HMCN1: variants seen among roughly 807,000 people sequenced by gnomAD.
HMCN1 encodes the protein hemicentin-1.
A neutral mutation model predicts 625.9 loss-of-function variants in HMCN1; 321 were observed. The ratio of observed to expected loss-of-function variants is 0.51; its 90% CI spans 0.47 to 0.56. The LOEUF is 0.56. Among genes scored for constraint, HMCN1 ranks in the 20% least tolerant of loss-of-function variants. The pLI is 0.00. For missense variants in HMCN1, 6,588 were observed against 6,887.3 expected, an observed-to-expected ratio of 0.96 and a Z score of 1.54; for synonymous variants, 2,425 against 2,417.6, an observed-to-expected ratio of 1.00 and a Z score of -0.09.
At chr1:185,962,108 A>T (rs911040094) in intron 11 of HMCN1, among the ~76,000 whole-genome samples, 5 of 152,230 alleles carry the variant, frequency 3.3e-5, no homozygotes, top group African/African-American at 1.2e-4. Flanking sequence ...AACAAAGCAG[A>T]CAGCATAGTC....
chr1:185,964,949 A>G (rs989072188), intron 13 of HMCN1, among the ~76,000 whole-genome samples: 3 of 151,674 alleles, frequency 2.0e-5, no homozygotes, highest in African/African-American at 7.3e-5. Flanking sequence ...GGTAAGGTTA[A>G]AAAAAAAGCT....
At chr1:185,976,129 T>C (rs530558540) in intron 15 of HMCN1, among the ~76,000 whole-genome samples, 76 of 152,324 alleles carry the variant, frequency 5.0e-4, no homozygotes, top group African/African-American at 1.8e-3. Context: ...AGAGTGAGTT[T>C]TCTGAAACTT....
Position 185,982,397 on chromosome 1 carries a change from C to T in HMCN1, c.2790+8C>T, listed in dbSNP as rs750999986. ...ATTAAGAATTCAGCTATGGTAAGAA[C>T]ATTTTAAATGCATGCATTCACATTC... On this transcript the variant is annotated splice_region_variant and intron_variant, in intron 18 of 106. Coordinates refer to ENST00000271588, the MANE Select transcript of HMCN1 (RefSeq NM_031935.3). 1.9e-6 allele frequency: 3 copies of T among 1,602,090 alleles called. No homozygotes were observed. The highest frequency in any genetic ancestry group is 2.2e-5 in the South Asian group (2 of 90,796).
Position 185,965,810 on chromosome 1 carries a change from A to G in HMCN1, c.2107A>G (p.Lys703Glu). 4.4e-6 allele frequency: 7 copies of G among 1,602,962 alleles called. No individual in the cohort carries two copies. Among genetic ancestry groups the G allele is most frequent in the Non-Finnish European group, 6.0e-6 (7 of 1,169,980 alleles). Residue 703 changes from lysine (K) to glutamate (E), a missense_variant, in exon 14 of 107, where the codon AAG (lysine) becomes GAG (glutamate). Lys to Glu is a moderately conservative substitution (Grantham distance 56). Coordinates refer to ENST00000271588, the MANE Select transcript of HMCN1 (RefSeq NM_031935.3). ...GTTTTTGTTTTTTTCAGAAGCCCCTAAGTTGATGGTAGTTCAGAGTGAGCT... is the reference window on the plus strand; with the variant it reads ...GTTTTTGTTTTTTTCAGAAGCCCCTGAGTTGATGGTAGTTCAGAGTGAGCT... ...NSTLRYIEAP[K>E]LMVVQSELLV... is the part of the protein sequence containing the mutation.
At chr1:185,752,069 G>C (rs1383183156) in intron 1 of HMCN1, among the ~76,000 whole-genome samples, 1 of 152,028 alleles carries the variant, frequency 6.6e-6, no homozygotes, top group Non-Finnish European at 1.5e-5. Context: ...TTCTACAGAG[G>C]GGTTTGCATT....
chr1:186,138,737 A>G (rs567034970), intron 89 of HMCN1, among the ~76,000 whole-genome samples: 50 of 152,282 alleles, frequency 3.3e-4, no homozygotes, highest in Middle Eastern at 6.8e-3. Context: ...AGTCTCTGGA[A>G]AGGAACCCTG....
In HMCN1 at chr1:186,087,492, T is replaced by A; in HGVS notation, c.9210T>A (p.Asn3070Lys). 1 of 1,613,336 alleles carries A rather than the reference T, an allele frequency of 6.2e-7. No individual in the cohort carries two copies. The highest frequency in any genetic ancestry group is 1.3e-5 in the African/African-American group (1 of 75,008). Residue 3070 changes from asparagine (N) to lysine (K), a missense_variant, in exon 60 of 107, where the codon AAT becomes AAA. Asn to Lys is a moderately conservative substitution (Grantham distance 94). Transcript: ENST00000271588. ...DHDSESLSVV[N>K]VREGTSVSLE... ...ACAGTGAATCTCTTTCTGTAGTTAA[T>A]GTAAGAGAGGGAACTTCTGTGTCTT...
intron 6 of HMCN1, among the ~76,000 whole-genome samples, chr1:185,913,003 T>C (rs1666513429): frequency 6.6e-6 from 1 of 152,164 alleles, no homozygotes; most frequent in African/African-American, 2.4e-5. Context: ...AGAGCCATTT[T>C]TCATGCCAGT....
At chr1:186,144,051 C>A in intron 89 of HMCN1, 122 bp from the exon 90 acceptor site, 1 of 803,368 alleles carries the variant, frequency 1.2e-6, no homozygotes, top group Non-Finnish European at 1.9e-6. Context: ...TCATTTGGTT[C>A]AGTTTCAATT....
intron 97 of HMCN1, among the ~76,000 whole-genome samples, chr1:186,161,322 G>C (rs1651461029): frequency 6.6e-6 from 1 of 151,814 alleles, no homozygotes; most frequent in African/African-American, 2.4e-5. Context: ...GTCTCTGCAT[G>C]TGAGATGGGT....
chr1:185,890,026 G>T (rs1664950330), intron 4 of HMCN1, among the ~76,000 whole-genome samples: 2 of 151,312 alleles, frequency 1.3e-5, no homozygotes, highest in Non-Finnish European at 2.9e-5. Flanking sequence ...ACTTCTTCCT[G>T]GTTTAGTCTT....
At position 185,812,648 on chromosome 1, in the gene HMCN1, G is replaced by A. The variant is rs1183286712; in HGVS notation, c.269-33378G>A. Among the ~76,000 whole-genome samples, 4 of 152,238 alleles carry A rather than the reference G, an allele frequency of 2.6e-5. No homozygotes were observed. The East Asian group carries it at 7.7e-4, about 29-fold the overall frequency. Reference sequence around the variant, plus strand: ...GACTTTTGAAACAATTTATATGTTTGTACATCAAGTTAGAATAATTGAAAA... The same window carrying A: ...GACTTTTGAAACAATTTATATGTTTATACATCAAGTTAGAATAATTGAAAA... On this transcript the variant is annotated intron_variant, in intron 1 of 106. Coordinates refer to ENST00000271588, the MANE Select transcript of HMCN1 (RefSeq NM_031935.3).
rs143632302 is a variant in HMCN1, at chr1:186,140,389, T to C, written c.13924+2417T>C. ...AGTATTTTAGAGAAGACAATTCAATTTGGATTTGTCTAACATCTCCTCATG... is the reference window on the plus strand; with the variant it reads ...AGTATTTTAGAGAAGACAATTCAATCTGGATTTGTCTAACATCTCCTCATG... On this transcript the variant is annotated intron_variant, in intron 89 of 106. Transcript: ENST00000271588. Among the ~76,000 whole-genome samples, 1,493 of 152,332 alleles carry C rather than the reference T, an allele frequency of 9.8e-3. 15 individuals are homozygous for C. The highest frequency in any genetic ancestry group is 0.029 in the African/African-American group (1,212 of 41,566).
Position 186,119,254 on chromosome 1 carries a change from A to G in HMCN1, c.11912A>G (p.Asn3971Ser), listed in dbSNP as rs746737492. ...HAGRYTCVARNAAGSAHRHVT... is the reference protein window; with the variant it reads ...HAGRYTCVARSAAGSAHRHVT... ...GGAAGATACACTTGTGTCGCTAGGA[A>G]TGCGGCTGGCTCTGCACATCGACAC... is the stretch of plus-strand genomic sequence containing the variant. Residue 3971 changes from asparagine to serine, a missense_variant, in exon 78 of 107, where the codon AAT becomes AGT. Physicochemically the swap from Asn to Ser is conservative, Grantham distance 46. This residue lies in a region of HMCN1 where 4,628 missense variants were observed against 4,853.1 expected (regional missense o/e 0.95). Transcript: ENST00000271588. The G allele has an allele frequency of 1.8e-5, 29 of 1,614,058 alleles. No homozygotes were observed. Among genetic ancestry groups the G allele is most frequent in the Non-Finnish European group, 2.5e-5 (29 of 1,179,916 alleles).
chr1:186,189,070 A>ATTAT (rs2102685979), intron 106 of HMCN1, among the ~76,000 whole-genome samples: 1 of 152,350 alleles, frequency 6.6e-6, no homozygotes, highest in Non-Finnish European at 1.5e-5. Flanking sequence ...TTGACCTTTT[A>ATTAT]TTATTTTTAG....
intron 22 of HMCN1, 68 bp downstream of exon 22, chr1:185,990,511 C>T: frequency 7.4e-7 from 1 of 1,352,310 alleles, no homozygotes; most frequent in Non-Finnish European, 1.1e-6. Context: ...ATGGCCATGC[C>T]TATTCAGGTT....
intron 43 of HMCN1, 73 bp downstream of exon 43, chr1:186,053,147 T>C (rs561823219): frequency 1.4e-6 from 2 of 1,409,200 alleles, no homozygotes; most frequent in Non-Finnish European, 2.0e-6. Context: ...TTAATAAATG[T>C]GTTAGATTAT....
intron 78 of HMCN1, 89 bp downstream of exon 78, chr1:186,119,387 G>A (rs1000662211): frequency 7.4e-6 from 7 of 950,796 alleles, no homozygotes; most frequent in Admixed American, 1.7e-5. Context: ...AGGTACTGTC[G>A]AGAGCTATGA....
At position 185,965,654 on chromosome 1, in the gene HMCN1, A is replaced by T. The variant is rs1173168760; in HGVS notation, c.2099-148A>T. The T allele has an allele frequency of 1.7e-5, 12 of 691,842 alleles. No homozygotes were observed. In the Admixed American group the frequency reaches 2.1e-4, roughly 12 times the overall value. 42.9% of individuals were successfully genotyped at this position (691,842 alleles called of 1,614,324 possible). ...CTTTTTATCACATACACCTATGTGC[A>T]TGTGCATTACAAGAGTTTCTTTCGG... On this transcript the variant is annotated intron_variant, in intron 13 of 106. Coordinates refer to ENST00000271588, the MANE Select transcript of HMCN1 (RefSeq NM_031935.3).
Sources: gnomAD v4.1 joint callset for allele counts (sites outside exome capture counted in the v4.1 genomes callset) on GRCh38, gnomAD v4.1.1 for gene constraint, gnomAD v4.1.1 regional missense constraint, MANE v1.5 for transcripts, NCBI Gene and HGNC (gene_info 2026-07-23, HGNC 2026-07-21) for gene names.